The following CCSER1 variants were observed in gnomAD, a reference collection of about 807,000 sequenced individuals.
The protein encoded by CCSER1 is serine-rich coiled-coil domain-containing protein 1.
Under a neutral mutation model 82.0 loss-of-function variants are expected in CCSER1, and 41 were observed. That is an observed-to-expected ratio of 0.50 (90% CI 0.39 to 0.65). CCSER1 has a LOEUF of 0.65. Ranked by LOEUF, CCSER1 falls within the 30% of genes least tolerant of loss-of-function variation. The probability of loss-of-function intolerance (pLI) is 0.00; values close to 1 mark genes in which losing one functional copy is unlikely to be tolerated. For synonymous variants in CCSER1, 414 were observed against 383.9 expected (o/e 1.08, Z -0.92); for missense variants, 1,119 against 1,064.2 (o/e 1.05, Z -0.72).
At chr4:90,457,329 T>C (rs772054536) in intron 4 of CCSER1, among the ~76,000 whole-genome samples, 10 of 152,168 alleles carry the variant, frequency 6.6e-5, no homozygotes, top group Non-Finnish European at 1.5e-4. Flanking sequence ...TCCTCTTTTC[T>C]CTCTTTTTTC....
At chr4:90,729,851 G>C (rs1744383799) in intron 7 of CCSER1, among the ~76,000 whole-genome samples, 1 of 151,878 alleles carries the variant, frequency 6.6e-6, no homozygotes, top group Non-Finnish European at 1.5e-5. Flanking sequence ...ACTCCAGCCT[G>C]GGCTACAGAC....
At chr4:90,268,876 CA>C (rs565151719) in intron 1 of CCSER1, among the ~76,000 whole-genome samples, 7 of 148,520 alleles carry the variant, frequency 4.7e-5, no homozygotes, top group Non-Finnish European at 7.5e-5. Flanking sequence ...GAAATGGAAA[CA>C]AAAAAAAATA....
chr4:90,242,561 A>G (rs1168657098), intron 1 of CCSER1, among the ~76,000 whole-genome samples: 1 of 152,254 alleles, frequency 6.6e-6, no homozygotes, highest in Non-Finnish European at 1.5e-5. Flanking sequence ...GGACAAGAAC[A>G]TGAACCTAGT....
At chr4:91,305,107 A>G (rs1408113456) in intron 10 of CCSER1, among the ~76,000 whole-genome samples, 2 of 152,056 alleles carry the variant, frequency 1.3e-5, no homozygotes, top group African/African-American at 2.4e-5. Context: ...CAGACAGCTC[A>G]TATGATTTCT....
At chr4:90,194,485 A>C (rs941478046) in intron 1 of CCSER1, among the ~76,000 whole-genome samples, 1 of 152,060 alleles carries the variant, frequency 6.6e-6, no homozygotes, top group Non-Finnish European at 1.5e-5. Context: ...TTTAGACTTC[A>C]TGGTGTTTTT....
At chr4:90,892,075 TA>T (rs1230245454) in intron 8 of CCSER1, among the ~76,000 whole-genome samples, 1 of 152,102 alleles carries the variant, frequency 6.6e-6, no homozygotes, top group South Asian at 2.1e-4. Flanking sequence ...CAAAGTAAAA[TA>T]AAAATTTGTT....
At chr4:91,148,362 A>C (rs527885831) in intron 10 of CCSER1, among the ~76,000 whole-genome samples, 1 of 152,280 alleles carries the variant, frequency 6.6e-6, no homozygotes, top group African/African-American at 2.4e-5. Context: ...GAACTCTATT[A>C]ATGAGACAAA....
At chr4:90,541,790 A>G (rs1776146370) in intron 5 of CCSER1, among the ~76,000 whole-genome samples, 1 of 151,904 alleles carries the variant, frequency 6.6e-6, no homozygotes, top group Non-Finnish European at 1.5e-5. Context: ...ACTGTTTTCA[A>G]AACTGGCACT....
intron 10 of CCSER1, among the ~76,000 whole-genome samples, chr4:91,534,748 C>T (rs1360222000): frequency 2.6e-5 from 4 of 151,770 alleles, no homozygotes; most frequent in African/African-American, 9.7e-5. Context: ...CTCTTTAAGA[C>T]TGAATAAAAC....
At chr4:90,610,069 C>T (rs538084978) in intron 5 of CCSER1, among the ~76,000 whole-genome samples, 13 of 152,018 alleles carry the variant, frequency 8.6e-5, no homozygotes, top group South Asian at 2.1e-4. Flanking sequence ...CTGGCTAACA[C>T]GGTGAAACCC....
chr4:90,930,910 TTATATATATATATATATA>T (rs70963098), intron 9 of CCSER1, among the ~76,000 whole-genome samples: 1 of 109,646 alleles, frequency 9.1e-6, no homozygotes, highest in African/African-American at 3.1e-5. Context: ...TATCCTTATT[TTATATATATATATATATA>T]TATATATATA....
intron 8 of CCSER1, among the ~76,000 whole-genome samples, chr4:90,910,851 T>A (rs1726222646): frequency 6.6e-6 from 1 of 151,956 alleles, no homozygotes; most frequent in South Asian, 2.1e-4. Flanking sequence ...ACCCAAAAAC[T>A]GAAAGCATCT....
chr4:91,405,578 C>G (rs1174340398), intron 10 of CCSER1, among the ~76,000 whole-genome samples: 1 of 152,218 alleles, frequency 6.6e-6, no homozygotes, highest in Non-Finnish European at 1.5e-5. Flanking sequence ...TCAGCAATGG[C>G]TGGCGCCCCT....
In CCSER1 at chr4:90,312,042, G is replaced by A. The variant is rs1444610072; in HGVS notation, c.1325-821G>A. Reference sequence around the variant, plus strand: ...CAGAATAAAGGCTTAGGAAGCAGAAGTGGGATTCCAGTTTGCATTTTTAAA... The same window carrying A: ...CAGAATAAAGGCTTAGGAAGCAGAAATGGGATTCCAGTTTGCATTTTTAAA... On this transcript the variant is annotated intron_variant, in intron 2 of 10. Coordinates refer to ENST00000509176, the MANE Select transcript of CCSER1 (RefSeq NM_001145065.2). Among the ~76,000 whole-genome samples, 3 of 152,208 alleles carry A rather than the reference G, an allele frequency of 2.0e-5. No individual in the cohort carries two copies. The East Asian group carries it at 5.8e-4, about 29-fold the overall frequency.
intron 10 of CCSER1, among the ~76,000 whole-genome samples, chr4:91,579,317 A>G (rs1479685157): frequency 2.0e-5 from 3 of 151,622 alleles, no homozygotes; most frequent in Non-Finnish European, 3.0e-5. Flanking sequence ...TAGGACTCCT[A>G]GTGTACCCAT....
chr4:90,567,897 A>G (rs1553946076), intron 5 of CCSER1, among the ~76,000 whole-genome samples: 1 of 152,134 alleles, frequency 6.6e-6, no homozygotes, highest in Non-Finnish European at 1.5e-5. Context: ...ATGAGCCATT[A>G]TTCCCCCCAA....
At chr4:90,693,715 T>A (rs1485641047) in intron 6 of CCSER1, among the ~76,000 whole-genome samples, 1 of 151,988 alleles carries the variant, frequency 6.6e-6, no homozygotes, top group East Asian at 1.9e-4. Flanking sequence ...CAAGCCTCAG[T>A]TTCTTATAAA....
At chr4:91,386,750 C>T (rs1167456847) in intron 10 of CCSER1, among the ~76,000 whole-genome samples, 5 of 152,002 alleles carry the variant, frequency 3.3e-5, no homozygotes, top group Admixed American at 2.0e-4. Flanking sequence ...CTACAAAGCA[C>T]ACAGCGTCTC....
At chr4:90,317,063 CAT>C (rs1468749353) in intron 3 of CCSER1, among the ~76,000 whole-genome samples, 3 of 152,088 alleles carry the variant, frequency 2.0e-5, no homozygotes, top group Admixed American at 1.3e-4. Context: ...AGTTAAAGAA[CAT>C]ATTTCTTTAA....
Sources: gnomAD v4.1 joint callset for allele counts (sites outside exome capture counted in the v4.1 genomes callset) on GRCh38, gnomAD v4.1.1 for gene constraint, MANE v1.5 for transcripts, NCBI Gene and HGNC (gene_info 2026-07-23, HGNC 2026-07-21) for gene names.